TTC28: variants seen among roughly 807,000 people sequenced by gnomAD.
TTC28 encodes tetratricopeptide repeat protein 28.
A neutral mutation model predicts 198.0 loss-of-function variants in TTC28; 61 were observed. The ratio of observed to expected loss-of-function variants is 0.31; its 90% CI spans 0.25 to 0.38. The LOEUF (loss-of-function observed/expected upper bound fraction) is 0.38, where lower values mean the gene tolerates loss of function less well. Among genes scored for constraint, TTC28 ranks in the 10% least tolerant of loss-of-function variants. The pLI, the probability that TTC28 is intolerant of heterozygous loss-of-function variation, is 1.00. For synonymous variants in TTC28, 1,171 were observed against 1,297.8 expected (o/e 0.90, Z 2.10); for missense variants, 2,678 against 3,164.0 (o/e 0.85, Z 3.69).
chr22:28,265,788 G>A (rs1307605907), intron 5 of TTC28, among the ~76,000 whole-genome samples: 1 of 152,156 alleles, frequency 6.6e-6, no homozygotes, highest in Non-Finnish European at 1.5e-5. Flanking sequence ...TCTTAGAACA[G>A]AAAATGGCCT....
chr22:27,990,774 T>C lies in TTC28; in HGVS notation c.5577+15A>G, dbSNP rs1189010957. 2 of 1,549,982 alleles carry C rather than the reference T, an allele frequency of 1.3e-6. No individual in the cohort carries two copies. The highest frequency in any genetic ancestry group is 2.7e-5 in the African/African-American group (2 of 73,022). ...GGCTCACCTGACAACAGTTGCTACT[T>C]AAAGTAGTACTCACCATTCCAACCA... is the stretch of plus-strand genomic sequence containing the variant. On this transcript the variant is annotated intron_variant, in intron 20 of 22. Coordinates refer to ENST00000397906, the MANE Select transcript of TTC28 (RefSeq NM_001145418.2).
chr22:27,984,579 T>TC (rs1937147275), intron 22 of TTC28, among the ~76,000 whole-genome samples: 1 of 151,924 alleles, frequency 6.6e-6, no homozygotes, highest in South Asian at 2.1e-4. Context: ...TGCCAACCTC[T>TC]CCCCTGAACT....
chr22:28,457,214 A>T (rs1422400095), intron 2 of TTC28, among the ~76,000 whole-genome samples: 1 of 152,208 alleles, frequency 6.6e-6, no homozygotes, highest in East Asian at 1.9e-4. Context: ...AGGCCGAGTA[A>T]GATGAAACTA....
chr22:28,563,936 CA>C (rs2049930325), intron 2 of TTC28, among the ~76,000 whole-genome samples: 1 of 152,098 alleles, frequency 6.6e-6, no homozygotes, highest in Non-Finnish European at 1.5e-5. Context: ...TTGTAATATA[CA>C]CACACAAAGA....
At chr22:28,588,794 G>A (rs558736592) in intron 2 of TTC28, among the ~76,000 whole-genome samples, 2 of 152,104 alleles carry the variant, frequency 1.3e-5, no homozygotes, top group South Asian at 2.1e-4. Flanking sequence ...TCAGAATCTC[G>A]AGTACTACTT....
intron 5 of TTC28, among the ~76,000 whole-genome samples, chr22:28,192,998 CAA>C (rs1465969327): frequency 6.6e-6 from 1 of 152,066 alleles, no homozygotes; most frequent in East Asian, 1.9e-4. Flanking sequence ...TCAGATTTAC[CAA>C]AGTTGAAACG....
At chr22:28,315,200 C>A (rs1177468624) in intron 2 of TTC28, among the ~76,000 whole-genome samples, 1 of 152,038 alleles carries the variant, frequency 6.6e-6, no homozygotes, top group Admixed American at 6.6e-5. Flanking sequence ...TCTCAACAAG[C>A]CAGGGAGGAG....
intron 2 of TTC28, among the ~76,000 whole-genome samples, chr22:28,403,004 T>C (rs2046941003): frequency 6.6e-6 from 1 of 152,244 alleles, no homozygotes. Context: ...ATCTAACTTC[T>C]ATACAATCTC....
chr22:28,434,630 T>C (rs1043574456), intron 2 of TTC28, among the ~76,000 whole-genome samples: 1 of 152,164 alleles, frequency 6.6e-6, no homozygotes, highest in Non-Finnish European at 1.5e-5. Context: ...CACTGTGACA[T>C]TTTCTCTTCA....
intron 2 of TTC28, among the ~76,000 whole-genome samples, chr22:28,475,121 G>A (rs1443186127): frequency 3.3e-5 from 4 of 121,358 alleles, no homozygotes; most frequent in African/African-American, 1.3e-4. Context: ...CTGCACTCCA[G>A]CCTGGGTGAC....
intron 2 of TTC28, among the ~76,000 whole-genome samples, chr22:28,455,314 T>A (rs532755236): frequency 6.6e-6 from 1 of 152,354 alleles, no homozygotes; most frequent in African/African-American, 2.4e-5. Flanking sequence ...AATGTACAGA[T>A]ATTATTTCTA....
intron 2 of TTC28, among the ~76,000 whole-genome samples, chr22:28,425,051 C>A (rs2047326419): frequency 6.6e-6 from 1 of 152,174 alleles, no homozygotes; most frequent in Non-Finnish European, 1.5e-5. Flanking sequence ...AAATAAAGAT[C>A]CAATCCTTTG....
At chr22:28,645,659 T>C (rs956379020) in intron 1 of TTC28, among the ~76,000 whole-genome samples, 3 of 149,558 alleles carry the variant, frequency 2.0e-5, no homozygotes, top group African/African-American at 7.4e-5. Context: ...TTCGCCATGA[T>C]CAAGCGGGTT....
chr22:28,289,243 A>G (rs750659238), intron 5 of TTC28, among the ~76,000 whole-genome samples: 7 of 152,204 alleles, frequency 4.6e-5, no homozygotes, highest in Non-Finnish European at 1.0e-4. Flanking sequence ...GAAGGTATGT[A>G]TCCAGGAGGC....
In TTC28 at chr22:28,521,665, G is replaced by GT. The variant is rs527395369; in HGVS notation, c.381+107886dup. ...GAGCTTTGGTTGTCTCTTGGGGATA[G>GT]TAAGACAAAATTAGAAACTTGAGGG... On this transcript the variant is annotated intron_variant, in intron 2 of 22. Coordinates refer to ENST00000397906, the MANE Select transcript of TTC28 (RefSeq NM_001145418.2). Among the ~76,000 whole-genome samples the GT allele has an allele frequency of 7.2e-5, 11 of 152,278 alleles. No homozygotes were observed. In the South Asian group the frequency reaches 2.3e-3, roughly 32 times the overall value.
chr22:28,227,578 A>C (rs950901156), intron 5 of TTC28, among the ~76,000 whole-genome samples: 1 of 152,216 alleles, frequency 6.6e-6, no homozygotes, highest in Non-Finnish European at 1.5e-5. Context: ...TTCTCCAAAC[A>C]AGATACATAA....
In TTC28 at chr22:28,079,274, A is replaced by T. The variant is rs142087439; in HGVS notation, c.3932+14806T>A. ...GGAAGTGGTAGCAGTGGTTTAGGAT[A>T]GAGATGATGGTGACCTGCACTGTGC... On this transcript the variant is annotated intron_variant, in intron 12 of 22. Transcript: ENST00000397906. Among the ~76,000 whole-genome samples the T allele has an allele frequency of 1.7e-3, 266 of 152,382 alleles. 1 individual carries two copies. Among genetic ancestry groups the T allele is most frequent in the African/African-American group, 5.8e-3 (242 of 41,594 alleles).
chr22:28,121,843 T>C (rs1942794888), intron 6 of TTC28, among the ~76,000 whole-genome samples: 1 of 152,160 alleles, frequency 6.6e-6, no homozygotes, highest in African/African-American at 2.4e-5. Context: ...TTTGGGATTT[T>C]AGGGTAAGCG....
chr22:28,192,760 G>A (rs1378065470), intron 5 of TTC28, among the ~76,000 whole-genome samples: 1 of 152,018 alleles, frequency 6.6e-6, no homozygotes, highest in African/African-American at 2.4e-5. Flanking sequence ...AAAAAGCAAG[G>A]ACAACAGCCT....
Sources: allele counts gnomAD v4.1 joint callset (sites outside exome capture counted in the v4.1 genomes callset), GRCh38; gene constraint gnomAD v4.1.1; transcripts MANE v1.5; gene names NCBI Gene and HGNC (gene_info 2026-07-23, HGNC 2026-07-21).